Variants in ARID4B observed in about 807,000 individuals in gnomAD.
ARID4B encodes the protein AT-rich interaction domain 4B, also known as AT-rich interactive domain-containing protein 4B.
Under a neutral mutation model 147.5 loss-of-function variants are expected in ARID4B, and 26 were observed. The observed-to-expected ratio is 0.18, with a 90% CI of 0.13 to 0.24. ARID4B has a LOEUF of 0.24. ARID4B is among the 10% of genes least tolerant of loss of function. The pLI is 1.00. For synonymous variants in ARID4B, 512 were observed against 507.9 expected, an observed-to-expected ratio of 1.01 and a Z score of -0.11; for missense variants, 1,179 against 1,511.5, an observed-to-expected ratio of 0.78 and a Z score of 3.65.
At chr1:235,193,371 T>A (rs1043130242) in intron 19 of ARID4B, among the ~76,000 whole-genome samples, 1 of 152,190 alleles carries the variant, frequency 6.6e-6, no homozygotes, top group African/African-American at 2.4e-5. Context: ...TACTCCAACC[T>A]AGGCTACAGA....
intron 20 of ARID4B, 123 bp from the exon 21 acceptor site, chr1:235,178,036 G>T: frequency 2.0e-6 from 1 of 495,300 alleles, no homozygotes; most frequent in East Asian, 3.2e-5. Context: ...ACATTTATAA[G>T]TTGTCACAGA....
At chr1:235,196,641 C>G (rs1407869040) in intron 17 of ARID4B, among the ~76,000 whole-genome samples, 1 of 151,976 alleles carries the variant, frequency 6.6e-6, no homozygotes, top group African/African-American at 2.4e-5. Context: ...ATCACGAAGT[C>G]AGGAGATCAA....
intron 2 of ARID4B, among the ~76,000 whole-genome samples, chr1:235,268,443 C>A (rs182026573): frequency 6.6e-6 from 1 of 152,202 alleles, no homozygotes; most frequent in East Asian, 1.9e-4. Flanking sequence ...ATTTTCCTAG[C>A]TCTGTCCAAA....
intron 2 of ARID4B, among the ~76,000 whole-genome samples, chr1:235,291,134 C>T (rs1042091286): frequency 4.0e-5 from 6 of 151,860 alleles, no homozygotes; most frequent in African/African-American, 9.7e-5. Flanking sequence ...TGGTGGCTCA[C>T]GCCTATAATT....
chr1:235,220,619 A>G, intron 14 of ARID4B, 74 bp from the exon 15 acceptor site: 2 of 1,170,326 alleles, frequency 1.7e-6, no homozygotes, highest in Non-Finnish European at 2.3e-6. Context: ...TTTAATGTGT[A>G]TTCATTTCTT....
At chr1:235,223,353 T>TTATATATATATACACATATA in intron 12 of ARID4B, 93 bp from the exon 13 acceptor site, 1 of 256,622 alleles carries the variant, frequency 3.9e-6, no homozygotes, top group Non-Finnish European at 6.5e-6. Context: ...TTATAGTATT[T>TTATATATATATACACATATA]TATATATATA....
At chr1:235,181,260 G>C in intron 20 of ARID4B, 1 of 585,450 alleles carries the variant, frequency 1.7e-6, no homozygotes, top group Non-Finnish European at 2.4e-6. Flanking sequence ...ATAGATTTAA[G>C]CTGCTCATGC....
rs559741436 is a variant in ARID4B at position 235,260,533 on chromosome 1, T to C, written c.117+109A>G. ...TTTGTTTTGAGGTATTTTTACAACC[T>C]TCACTCCTAGAAACTTATTTTGCAG... is the stretch of plus-strand genomic sequence containing the variant. On this transcript the variant is annotated intron_variant, in intron 3 of 23. Transcript: ENST00000264183. 106 of 691,282 alleles carry C rather than the reference T, an allele frequency of 1.5e-4. 1 individual carries two copies. The South Asian group carries it at 2.4e-3, about 16-fold the overall frequency. The allele number at this position is 691,282 out of a possible 1,614,324, so 42.8% of individuals were successfully genotyped here.
intron 2 of ARID4B, among the ~76,000 whole-genome samples, chr1:235,262,603 G>T (rs1670359845): frequency 6.6e-6 from 1 of 151,998 alleles, no homozygotes; most frequent in Non-Finnish European, 1.5e-5. Context: ...CAAAATTATG[G>T]TTACATTCCA....
chr1:235,327,160 A>C, intron 1 of ARID4B, 192 bp from the exon 2 acceptor site: 1 of 516,616 alleles, frequency 1.9e-6, no homozygotes, highest in Non-Finnish European at 3.5e-6. Flanking sequence ...AACCACCTAC[A>C]CAGCTCGGCA....
intron 2 of ARID4B, among the ~76,000 whole-genome samples, chr1:235,324,421 C>CCTTTAAGTTGTATG (rs1675076706): frequency 6.6e-6 from 1 of 152,130 alleles, no homozygotes; most frequent in African/African-American, 2.4e-5. Context: ...GGGAAAACTG[C>CCTTTAAGTTGTATG]TAAAACATAC....
rs1663066143 is a variant in ARID4B at position 235,167,931 on chromosome 1, C to G, written c.*594G>C. ...CAAGACCTTTTAGCCTAATTCAAAC[C>G]TGTAAACATGTTCAGTCTTTTTTAA... is the stretch of plus-strand genomic sequence containing the variant. On this transcript the variant is annotated 3_prime_UTR_variant, in exon 24 of 24. Coordinates refer to ENST00000264183, the MANE Select transcript of ARID4B (RefSeq NM_016374.6). The G allele has an allele frequency of 5.1e-6, 1 of 196,866 alleles. No individual in the cohort carries two copies. The highest frequency in any genetic ancestry group is 1.1e-5 in the Non-Finnish European group (1 of 94,628). 12.2% of individuals were successfully genotyped at this position (196,866 alleles called of 1,614,324 possible). A position where few individuals can be genotyped will look rare whatever the true frequency, so the allele number is the denominator to read the frequency against.
At chr1:235,236,376 CA>C (rs1341620349) in intron 8 of ARID4B, among the ~76,000 whole-genome samples, 2 of 152,028 alleles carry the variant, frequency 1.3e-5, no homozygotes, top group Non-Finnish European at 2.9e-5. Context: ...TTAGATTTTT[CA>C]TTTTCGTCAA....
At chr1:235,171,635 G>C (rs575326210) in intron 23 of ARID4B, among the ~76,000 whole-genome samples, 3 of 150,086 alleles carry the variant, frequency 2.0e-5, no homozygotes. Context: ...AGGAGTTTCT[G>C]GATAGATGTC....
chr1:235,244,214 C>G lies in ARID4B; in HGVS notation c.446+2206G>C, dbSNP rs192057744. Reference sequence around the variant, plus strand: ...TAAATAATCCCTTGTTAACAAGATTCATTGTAAACCTTATGCTTTATCTTT... The same window carrying G: ...TAAATAATCCCTTGTTAACAAGATTGATTGTAAACCTTATGCTTTATCTTT... On this transcript the variant is annotated intron_variant, in intron 7 of 23. Coordinates refer to ENST00000264183, the MANE Select transcript of ARID4B (RefSeq NM_016374.6). Among the ~76,000 whole-genome samples the G allele has an allele frequency of 1.0e-3, 159 of 152,242 alleles. 1 individual carries two copies. The highest frequency in any genetic ancestry group is 3.8e-3 in the African/African-American group (156 of 41,554).
intron 2 of ARID4B, among the ~76,000 whole-genome samples, chr1:235,281,582 T>A (rs1487957353): frequency 1.3e-5 from 2 of 152,020 alleles, no homozygotes; most frequent in Admixed American, 6.5e-5. Context: ...AGCCCATGCC[T>A]GTGGCCCCAG....
Position 235,177,847 on chromosome 1 carries a change from C to CTTT in ARID4B, c.3398_3400dup (p.Lys1133dup). On this transcript the variant is annotated inframe_insertion, in exon 21 of 24. Transcript: ENST00000264183. The stretch of plus-strand genomic sequence containing the variant: ...GTTTACCACTGTTGCTTTATGGCTT[C>CTTT]TTTTCTGCTTTTTTGATGAACTTCC... 2 of 1,611,860 alleles carry CTTT rather than the reference C, an allele frequency of 1.2e-6. No homozygotes were observed.
chr1:235,267,177 C>T (rs1178239259), intron 2 of ARID4B, among the ~76,000 whole-genome samples: 1 of 152,142 alleles, frequency 6.6e-6, no homozygotes, highest in Non-Finnish European at 1.5e-5. Context: ...ACTAAGGAGG[C>T]TGAGGCGGGA....
At chr1:235,245,972 G>T (rs1204308345) in intron 7 of ARID4B, among the ~76,000 whole-genome samples, 1 of 152,148 alleles carries the variant, frequency 6.6e-6, no homozygotes, top group African/African-American at 2.4e-5. Flanking sequence ...GGGTTTACAG[G>T]GGAGAGAAAC....
Sources: gnomAD v4.1 joint callset for allele counts (sites outside exome capture counted in the v4.1 genomes callset) on GRCh38, gnomAD v4.1.1 for gene constraint, MANE v1.5 for transcripts, NCBI Gene and HGNC (gene_info 2026-07-23, HGNC 2026-07-21) for gene names.